MORN1: variants seen among roughly 807,000 people sequenced by gnomAD.
MORN1 encodes the protein MORN repeat containing 1, also known as MORN repeat-containing protein 1.
A neutral mutation model predicts 61.9 loss-of-function variants in MORN1; 67 were observed. That is an observed-to-expected ratio of 1.08 (90% CI 0.89 to 1.33). The LOEUF (loss-of-function observed/expected upper bound fraction) is 1.33, where lower values mean the gene tolerates loss of function less well. Ranked by LOEUF, MORN1 falls within the 40% of genes most tolerant of loss-of-function variation. The pLI, the probability that MORN1 is intolerant of heterozygous loss-of-function variation, is 0.00. For missense variants in MORN1, 752 were observed against 691.2 expected, an observed-to-expected ratio of 1.09 and a Z score of -0.99; for synonymous variants, 301 against 292.0, an observed-to-expected ratio of 1.03 and a Z score of -0.31.
At chr1:2,346,671 C>T (rs1271378427) in intron 10 of MORN1, among the ~76,000 whole-genome samples, 1 of 152,330 alleles carries the variant, frequency 6.6e-6, no homozygotes, top group Admixed American at 6.5e-5. Context: ...CAGGCGTGAG[C>T]CACCGCGCCC....
At chr1:2,332,000 G>GCTGCGCCTCTCCCGCCC in intron 12 of MORN1, 1 of 154,826 alleles carries the variant, frequency 6.5e-6, no homozygotes, top group South Asian at 1.3e-4. Flanking sequence ...CTCTCCCGCC[G>GCTGCGCCTCTCCCGCCC]CTGCGCCTCT....
chr1:2,331,822 C>T (rs9793021), intron 12 of MORN1, among the ~76,000 whole-genome samples: 10 of 150,486 alleles, frequency 6.6e-5, no homozygotes, highest in South Asian at 4.2e-4. Context: ...CCTCTCCCGC[C>T]GCTGCGCCTC....
chr1:2,387,668 T>G, intron 3 of MORN1, 139 bp from the exon 4 acceptor site: 1 of 651,530 alleles, frequency 1.5e-6, no homozygotes, highest in Non-Finnish European at 2.8e-6. Flanking sequence ...TACTACTCAG[T>G]CTGCTTCATG....
In MORN1 at chr1:2,336,639, C is replaced by T. The variant is rs952637699; in HGVS notation, c.1170+78G>A. Reference sequence around the variant, plus strand: ...CCAACCCCCCTGGGGCACACATGGCCTGGGTGTTGAGGTGGTGGGTGGGCA... The same window carrying T: ...CCAACCCCCCTGGGGCACACATGGCTTGGGTGTTGAGGTGGTGGGTGGGCA... On this transcript the variant is annotated intron_variant, in intron 11 of 13. Transcript: ENST00000378531. 60 of 1,580,436 alleles carry T rather than the reference C, an allele frequency of 3.8e-5. No homozygotes were observed. The African/African-American group carries it at 6.5e-4, about 17-fold the overall frequency.
chr1:2,323,832 T>G lies in MORN1; in HGVS notation c.1297+265A>C, dbSNP rs568696210. 14 of 985,120 alleles carry G rather than the reference T, an allele frequency of 1.4e-5. No individual in the cohort carries two copies. In the East Asian group the frequency reaches 1.6e-3, roughly 112 times the overall value. 61.0% of individuals were successfully genotyped at this position (985,120 alleles called of 1,614,324 possible). A position where few individuals can be genotyped will look rare whatever the true frequency, so the allele number is the denominator to read the frequency against. ...CGTGCTCCCTGCCCCCGTGGCTTCCTCCTTTCTAGGACATTCCCCACATCA... is the reference window on the plus strand; with the variant it reads ...CGTGCTCCCTGCCCCCGTGGCTTCCGCCTTTCTAGGACATTCCCCACATCA... On this transcript the variant is annotated intron_variant, in intron 13 of 13. Transcript: ENST00000378531.
At chr1:2,370,843 T>A (rs1439409962) in intron 8 of MORN1, among the ~76,000 whole-genome samples, 5 of 151,822 alleles carry the variant, frequency 3.3e-5, no homozygotes, top group Admixed American at 6.6e-5. Flanking sequence ...CATGACCAGC[T>A]AATTAAAAAC....
chr1:2,332,951 G>T (rs911022267), intron 12 of MORN1, among the ~76,000 whole-genome samples: 2 of 152,170 alleles, frequency 1.3e-5, no homozygotes, highest in Non-Finnish European at 2.9e-5. Flanking sequence ...GGCTGCCTAC[G>T]AGGATGCCTC....
At chr1:2,332,209 C>T (rs879351995) in intron 12 of MORN1, 7 of 200,274 alleles carry the variant, frequency 3.5e-5, no homozygotes, top group Non-Finnish European at 7.2e-5. Flanking sequence ...GGCTGCCTGT[C>T]CTCCTGAGGG....
chr1:2,340,352 C>T (rs1403983312), intron 10 of MORN1, among the ~76,000 whole-genome samples: 2 of 152,168 alleles, frequency 1.3e-5, no homozygotes, highest in Non-Finnish European at 2.9e-5. Flanking sequence ...CCACTCCCTG[C>T]AGACACCAGA....
chr1:2,343,971 C>T (rs1262629761), intron 10 of MORN1, among the ~76,000 whole-genome samples: 2 of 141,680 alleles, frequency 1.4e-5, no homozygotes, highest in East Asian at 4.9e-4. Flanking sequence ...CGGGACTGGG[C>T]CTGGGGCTGG....
chr1:2,355,141 G>C, intron 10 of MORN1: 3 of 1,107,584 alleles, frequency 2.7e-6, no homozygotes, highest in African/African-American at 3.3e-5. Flanking sequence ...CGAGACTTTG[G>C]CTCTGAAAAT....
At chr1:2,322,937 G>T in intron 13 of MORN1, 1 of 985,428 alleles carries the variant, frequency 1.0e-6, no homozygotes, top group Non-Finnish European at 1.2e-6. Flanking sequence ...ATCTAGCCCT[G>T]GGCCAGCTCT....
In MORN1 at chr1:2,369,056, C is replaced by CA. The variant is rs1274182365; in HGVS notation, c.745+3424dup. 8.4e-3 allele frequency among the ~76,000 whole-genome samples: 1,012 copies of CA among 120,132 alleles called. 5 individuals are homozygous for CA. Among genetic ancestry groups the CA allele is most frequent in the African/African-American group, 0.023 (724 of 32,142 alleles). 78.8% of individuals were successfully genotyped at this position (120,132 alleles called of 152,430 possible). Reference sequence around the variant, plus strand: ...TGGACAATAAAGCAAGACCCAGTCTCAAAAAAAAAAAAAGGCGGGGGGCAG... The same window carrying CA: ...TGGACAATAAAGCAAGACCCAGTCTCAAAAAAAAAAAAAAGGCGGGGGGCAG... On this transcript the variant is annotated intron_variant, in intron 8 of 13. Transcript: ENST00000378531.
chr1:2,385,089 C>T, intron 5 of MORN1, 24 bp from the exon 6 acceptor site: 1 of 1,568,574 alleles, frequency 6.4e-7, no homozygotes, highest in Non-Finnish European at 8.6e-7. Context: ...GCACGGAGTC[C>T]ACTCTCAACA....
rs746337642 is a variant in MORN1, at chr1:2,388,222, TC to T, written c.247+16del. The T allele has an allele frequency of 3.6e-5, 58 of 1,603,876 alleles. No individual in the cohort carries two copies. The African/African-American group carries it at 5.1e-4, about 14-fold the overall frequency. On this transcript the variant is annotated intron_variant, in intron 3 of 13. Transcript: ENST00000378531. ...TTATGAGAAAGGAGTGAATGTGCCA[TC>T]CCAGCTAGAGCTCACCTGACCAGGC...
At chr1:2,343,002 G>A (rs1641435874) in intron 10 of MORN1, among the ~76,000 whole-genome samples, 1 of 151,944 alleles carries the variant, frequency 6.6e-6, no homozygotes, top group African/African-American at 2.4e-5. Context: ...GCCTCCCAAA[G>A]TGCTGGGATC....
At chr1:2,355,295 T>C (rs1010300504) in intron 10 of MORN1, 14 of 1,454,580 alleles carry the variant, frequency 9.6e-6, no homozygotes, top group African/African-American at 1.4e-5. Flanking sequence ...CGTGGGCCTG[T>C]TGGCCTGAGG....
chr1:2,341,076 C>A (rs924658751), intron 10 of MORN1, among the ~76,000 whole-genome samples: 5 of 152,280 alleles, frequency 3.3e-5, no homozygotes, highest in African/African-American at 1.2e-4. Flanking sequence ...TGGCCTTGCC[C>A]TTCTGTCCCG....
intron 10 of MORN1, among the ~76,000 whole-genome samples, chr1:2,355,889 C>T (rs994707439): frequency 1.3e-5 from 2 of 152,202 alleles, no homozygotes; most frequent in African/African-American, 2.4e-5. Context: ...GGGACAGGCA[C>T]ACCCTGGGCA....
Sources: gnomAD v4.1 joint callset for allele counts (sites outside exome capture counted in the v4.1 genomes callset) on GRCh38, gnomAD v4.1.1 for gene constraint, MANE v1.5 for transcripts, NCBI Gene and HGNC (gene_info 2026-07-23, HGNC 2026-07-21) for gene names.